FHL2: variants seen among roughly 807,000 people sequenced by gnomAD.
FHL2 encodes the protein four and a half LIM domains 2, also known as four and a half LIM domains protein 2.
FHL2 carries 20 observed loss-of-function variants against 32.7 expected under a neutral mutation model. The observed-to-expected ratio is 0.61, with a 90% CI of 0.43 to 0.89. FHL2 has a LOEUF of 0.89. Among genes scored for constraint, FHL2 ranks in the 40% least tolerant of loss-of-function variants. The pLI is 0.00. For missense variants in FHL2, 311 were observed against 358.6 expected (o/e 0.87, Z 1.07); for synonymous variants, 123 against 128.1 (o/e 0.96, Z 0.27).
chr2:105,402,537 G>T (rs1000435366), upstream of FHL2, among the ~76,000 whole-genome samples: 11 of 152,064 alleles, frequency 7.2e-5, no homozygotes, highest in African/African-American at 2.7e-4. Context: ...GGGCGACCAT[G>T]CCTGGCCCAA....
At chr2:105,425,749 T>A (rs995547026) in intron 1 of FHL2, among the ~76,000 whole-genome samples, 30 of 152,038 alleles carry the variant, frequency 2.0e-4, no homozygotes, top group Admixed American at 9.2e-4. Context: ...CCAGTCATAG[T>A]ACCTTCCCTT....
intron 2 of FHL2, among the ~76,000 whole-genome samples, chr2:105,393,757 A>G (rs1573363187): frequency 1.3e-5 from 2 of 152,246 alleles, no homozygotes; most frequent in African/African-American, 4.8e-5. Context: ...TCTGCATAGC[A>G]AACCCAACAT....
upstream of FHL2, chr2:105,399,414 T>A (rs767975823): frequency 2.0e-6 from 3 of 1,536,064 alleles, no homozygotes. Context: ...CCCCAGGACG[T>A]GCCGGGGGAG....
chr2:105,363,565 C>G (rs753993422), intron 5 of FHL2, 94 bp from the exon 6 acceptor site: 33 of 1,163,226 alleles, frequency 2.8e-5, no homozygotes, highest in Non-Finnish European at 3.9e-5. Context: ...AGATCCTCAT[C>G]CAGAAACGTC....
chr2:105,386,565 A>G (rs1395037990), intron 2 of FHL2, 25 bp from the exon 3 acceptor site: 1 of 1,610,436 alleles, frequency 6.2e-7, no homozygotes, highest in Admixed American at 1.7e-5. Context: ...AGAAAATCCA[A>G]GTCCCATTAA....
At chr2:105,387,449 C>A (rs943363615) in intron 2 of FHL2, among the ~76,000 whole-genome samples, 4 of 152,156 alleles carry the variant, frequency 2.6e-5, no homozygotes, top group African/African-American at 9.7e-5. Context: ...AATCATTGCT[C>A]CCTGCGGGTA....
At chr2:105,401,986 A>AAT (rs1173760899), upstream of FHL2, among the ~76,000 whole-genome samples, 1 of 151,086 alleles carries the variant, frequency 6.6e-6, no homozygotes, top group Non-Finnish European at 1.5e-5. Flanking sequence ...TCAAAAACTA[A>AAT]ATATATATAT....
chr2:105,424,657 G>A (rs1156728426), intron 1 of FHL2, among the ~76,000 whole-genome samples: 2 of 152,216 alleles, frequency 1.3e-5, no homozygotes, highest in African/African-American at 2.4e-5. Flanking sequence ...ACTGGGTAAA[G>A]AAAAAGTGGC....
chr2:105,382,159 GT>G (rs1681942277), intron 3 of FHL2, among the ~76,000 whole-genome samples: 2 of 152,178 alleles, frequency 1.3e-5, no homozygotes, highest in Admixed American at 1.3e-4. Flanking sequence ...TCACTTCAAT[GT>G]TTCCTATTAG....
At chr2:105,374,210 G>C (rs1573308529) in intron 3 of FHL2, 1 of 205,418 alleles carries the variant, frequency 4.9e-6, no homozygotes, top group East Asian at 1.2e-4. Context: ...CCCAAGGACT[G>C]TTTGGTGGGA....
At chr2:105,386,946 G>A (rs1290584586) in intron 2 of FHL2, among the ~76,000 whole-genome samples, 1 of 151,836 alleles carries the variant, frequency 6.6e-6, no homozygotes, top group Admixed American at 6.6e-5. Flanking sequence ...TATATTTTTA[G>A]TAGAGACAGG....
chr2:105,418,199 C>G lies in FHL2; in HGVS notation c.-25+20200G>C, dbSNP rs1194166843. ...TTCATATCTGTCCTTATTTTTGACT[C>G]TGCGAATGGCCACCCAAGGCTGCCA... On this transcript the variant is annotated intron_variant, in intron 1 of 5. Transcript: ENST00000393352. Among the ~76,000 whole-genome samples, 3 of 152,194 alleles carry G rather than the reference C, an allele frequency of 2.0e-5. No individual in the cohort carries two copies. The East Asian group carries it at 5.8e-4, about 29-fold the overall frequency.
intron 1 of FHL2, among the ~76,000 whole-genome samples, chr2:105,423,295 G>A (rs1684160069): frequency 6.6e-6 from 1 of 152,202 alleles, no homozygotes; most frequent in African/African-American, 2.4e-5. Context: ...CAAGCCACTT[G>A]AAGATTTCAT....
chr2:105,361,308 C>T lies in FHL2; in HGVS notation c.815G>A (p.Cys272Tyr), dbSNP rs773266937. The T allele has an allele frequency of 1.2e-5, 20 of 1,613,886 alleles. No individual in the cohort carries two copies. The highest frequency in any genetic ancestry group is 1.5e-5 in the Non-Finnish European group (18 of 1,179,916). Residue 272 changes from cysteine to tyrosine, a missense_variant, in exon 7 of 7, where the codon TGC becomes TAC. Coordinates refer to ENST00000530340, the MANE Select transcript of FHL2 (RefSeq NM_001318895.3). The part of the protein sequence containing the change: ...GFLTERDDIL[C>Y]PDCGKDI ...TCAGATGTCTTTCCCACAGTCGGGGCACAGGATGTCGTCCCTCTCTGTGAG... is the reference window on the plus strand; with the variant it reads ...TCAGATGTCTTTCCCACAGTCGGGGTACAGGATGTCGTCCCTCTCTGTGAG...
At chr2:105,409,024 G>A (rs1017627179) in intron 1 of FHL2, among the ~76,000 whole-genome samples, 8 of 152,152 alleles carry the variant, frequency 5.3e-5, no homozygotes, top group Admixed American at 5.2e-4. Context: ...AAAGCAGCAG[G>A]AGGTGGGGGT....
At chr2:105,382,120 A>G (rs745831539) in intron 3 of FHL2, among the ~76,000 whole-genome samples, 28 of 152,194 alleles carry the variant, frequency 1.8e-4, no homozygotes, top group Non-Finnish European at 3.5e-4. Context: ...ACCAAACATT[A>G]ACTGAGACTT....
At chr2:105,378,201 T>C (rs940280498) in intron 3 of FHL2, 2 of 470,324 alleles carry the variant, frequency 4.3e-6, no homozygotes, top group African/African-American at 2.0e-5. Flanking sequence ...AGTTAATATT[T>C]ATGGCACAAA....
intron 2 of FHL2, among the ~76,000 whole-genome samples, chr2:105,393,543 C>T (rs1372250529): frequency 2.0e-5 from 3 of 152,132 alleles, no homozygotes; most frequent in Non-Finnish European, 4.4e-5. Flanking sequence ...TTCTACCAAC[C>T]GTAAGCATTG....
chr2:105,359,140 C>T (rs755752311), downstream of FHL2: 3 of 152,182 alleles, frequency 2.0e-5, no homozygotes, highest in Non-Finnish European at 4.4e-5. Flanking sequence ...TCCAGAATGA[C>T]TGTTAATTTG....
Sources: allele counts gnomAD v4.1 joint callset (sites outside exome capture counted in the v4.1 genomes callset), GRCh38; gene constraint gnomAD v4.1.1; transcripts MANE v1.5; gene names NCBI Gene and HGNC (gene_info 2026-07-23, HGNC 2026-07-21).